The following SWT1 variants were observed in gnomAD, a reference collection of about 807,000 sequenced individuals.
SWT1 encodes the protein SWT1 RNA endoribonuclease homolog, also known as transcriptional protein SWT1.
In SWT1, 33 loss-of-function variants were observed where a neutral mutation model predicts 107.3. The ratio of observed to expected loss-of-function variants is 0.31; its 90% CI spans 0.23 to 0.41. The LOEUF (loss-of-function observed/expected upper bound fraction) is 0.41. Ranked by LOEUF, SWT1 falls within the 10% of genes least tolerant of loss-of-function variation. SWT1 has a pLI of 1.00. For missense variants in SWT1, 898 were observed against 1,028.9 expected (o/e 0.87, Z 1.74); for synonymous variants, 345 against 348.3 (o/e 0.99, Z 0.11).
intron 9 of SWT1, among the ~76,000 whole-genome samples, chr1:185,190,017 T>G (rs970973338): frequency 6.6e-6 from 1 of 151,948 alleles, no homozygotes; most frequent in African/African-American, 2.4e-5. Context: ...CTGGCTAATT[T>G]TTGTATTTTT....
chr1:185,284,029 T>G (rs1664803987), intron 18 of SWT1, among the ~76,000 whole-genome samples: 1 of 152,242 alleles, frequency 6.6e-6, no homozygotes, highest in Non-Finnish European at 1.5e-5. Flanking sequence ...AGATTCTAAT[T>G]CTCAGAAGCT....
intron 6 of SWT1, 31 bp from the exon 7 acceptor site, chr1:185,181,915 A>C (rs1201849139): frequency 6.2e-7 from 1 of 1,612,284 alleles, no homozygotes; most frequent in Non-Finnish European, 8.5e-7. Flanking sequence ...AAGTAACTCA[A>C]AATATTTCAC....
At position 185,206,742 on chromosome 1, in the gene SWT1, C is replaced by A. The variant is rs1658364985; in HGVS notation, c.1951C>A (p.Leu651Ile). 1.3e-6 allele frequency: 2 copies of A among 1,599,010 alleles called. No homozygotes were observed. The highest frequency in any genetic ancestry group is 1.7e-6 in the Non-Finnish European group (2 of 1,174,060). The change falls in exon 13 of 19, where the codon CTA (leucine) becomes ATA (isoleucine). Residue 651 changes from leucine to isoleucine, a missense_variant. Leu to Ile is a conservative substitution (Grantham distance 5). Transcript: ENST00000367500. ...GAACTTGCTTTTAACTATTGAGAGC[C>A]TATACAAAAATCTCCGTAAAGGTAT... The part of the protein sequence containing the change: ...EKNLLLTIES[L>I]YKNLRKANKA...
Position 185,198,236 on chromosome 1 carries a change from CGTT to C in SWT1, c.1524-4415_1524-4413del, listed in dbSNP as rs557242179. ...GGAGCAGGTTGTTCAGTTTCCATGA[CGTT>C]GTGTGGTTTTGAGTGAGTTTCTTAA... On this transcript the variant is annotated intron_variant, in intron 10 of 18. Coordinates refer to ENST00000367500, the MANE Select transcript of SWT1 (RefSeq NM_017673.7). 1.8e-4 allele frequency among the ~76,000 whole-genome samples: 28 copies of C among 152,150 alleles called. No homozygotes were observed. In the East Asian group the frequency reaches 4.8e-3, roughly 26 times the overall value.
rs1046260326 is a variant in SWT1 at position 185,165,142 on chromosome 1, G to T, written c.85-1430G>T. The stretch of plus-strand genomic sequence containing the variant: ...AGAGACTGGCGAATGGGTGATTGGT[G>T]AAACAGAACACATGCAACATTTATC... On this transcript the variant is annotated intron_variant, in intron 2 of 18. Coordinates refer to ENST00000367500, the MANE Select transcript of SWT1 (RefSeq NM_017673.7). 2.0e-5 allele frequency among the ~76,000 whole-genome samples: 3 copies of T among 152,178 alleles called. No individual in the cohort carries two copies. The East Asian group carries it at 5.8e-4, about 29-fold the overall frequency.
At chr1:185,167,082 A>G (rs1654642550) in intron 3 of SWT1, among the ~76,000 whole-genome samples, 1 of 151,984 alleles carries the variant, frequency 6.6e-6, no homozygotes, top group Non-Finnish European at 1.5e-5. Context: ...TAATTTTTGT[A>G]TTTTTAGTAG....
At chr1:185,269,234 T>C (rs1168311370) in intron 16 of SWT1, among the ~76,000 whole-genome samples, 2 of 152,190 alleles carry the variant, frequency 1.3e-5, no homozygotes, top group South Asian at 2.1e-4. Flanking sequence ...GTTTAACTTA[T>C]CTAGATAGCT....
At chr1:185,281,362 A>G in intron 18 of SWT1, 1 of 236,458 alleles carries the variant, frequency 4.2e-6, no homozygotes, top group South Asian at 7.2e-5. Flanking sequence ...TGAGCATGTG[A>G]CTGTGAAACT....
Position 185,188,337 on chromosome 1 carries a change from G to A in SWT1, c.1430-2212G>A, listed in dbSNP as rs185589579. ...TTGAGTTTGATACTGTTACAGCAGT[G>A]CACTGTTACTTTTAAGCCTCCTTTT... On this transcript the variant is annotated intron_variant, in intron 9 of 18. Transcript: ENST00000367500. 2.5e-4 allele frequency among the ~76,000 whole-genome samples: 38 copies of A among 152,294 alleles called. No homozygotes were observed. In the East Asian group the frequency reaches 7.3e-3, roughly 29 times the overall value.
rs567038077 is a variant in SWT1 at position 185,190,313 on chromosome 1, T to C, written c.1430-236T>C. On this transcript the variant is annotated intron_variant, in intron 9 of 18. Transcript: ENST00000367500. ...GTACCTTTGTTATAGTTGATGAACC[T>C]CCATTTGACATCATTATCACTCTGA... Among the ~76,000 whole-genome samples the C allele has an allele frequency of 3.4e-4, 52 of 152,312 alleles. No individual in the cohort carries two copies. In the South Asian group the frequency reaches 0.011, roughly 31 times the overall value.
At chr1:185,268,985 T>C (rs866880524) in intron 16 of SWT1, among the ~76,000 whole-genome samples, 35 of 151,704 alleles carry the variant, frequency 2.3e-4, no homozygotes, top group African/African-American at 7.2e-4. Context: ...CCCGAGTAGC[T>C]GGGACTACAG....
chr1:185,275,296 G>A (rs1475390810), intron 17 of SWT1, among the ~76,000 whole-genome samples: 1 of 151,834 alleles, frequency 6.6e-6, no homozygotes, highest in Non-Finnish European at 1.5e-5. Flanking sequence ...ACAGCCCTTA[G>A]GAGAAGGCAG....
intron 16 of SWT1, chr1:185,266,585 T>G (rs1418923665): frequency 1.3e-5 from 2 of 152,134 alleles, no homozygotes; most frequent in African/African-American, 4.8e-5. Flanking sequence ...ACAGATTTCT[T>G]TGTTCCTTCT....
intron 16 of SWT1, among the ~76,000 whole-genome samples, chr1:185,250,610 G>C (rs1263858688): frequency 6.6e-6 from 1 of 151,986 alleles, no homozygotes; most frequent in African/African-American, 2.4e-5. Context: ...TTTCAGCTTA[G>C]ACTCCAAATG....
intron 16 of SWT1, among the ~76,000 whole-genome samples, chr1:185,237,901 A>G (rs1316948297): frequency 6.6e-6 from 1 of 152,076 alleles, no homozygotes; most frequent in Non-Finnish European, 1.5e-5. Flanking sequence ...GGCTAATACA[A>G]TTTGTTACTC....
At chr1:185,204,001 A>G (rs928568754) in intron 11 of SWT1, among the ~76,000 whole-genome samples, 1 of 152,198 alleles carries the variant, frequency 6.6e-6, no homozygotes, top group Non-Finnish European at 1.5e-5. Context: ...TAATTTTGCC[A>G]TAAGAAAATT....
chr1:185,229,804 T>C (rs560432319), intron 15 of SWT1, among the ~76,000 whole-genome samples: 22 of 152,288 alleles, frequency 1.4e-4, no homozygotes, highest in Admixed American at 3.3e-4. Flanking sequence ...TAAATGTAAA[T>C]ATTTTGAAAT....
At chr1:185,173,529 C>CA (rs1655277086) in intron 4 of SWT1, among the ~76,000 whole-genome samples, 1 of 89,864 alleles carries the variant, frequency 1.1e-5, no homozygotes. Flanking sequence ...CCTGTCTCTA[C>CA]CAAAAAAAAA....
chr1:185,194,430 GA>G (rs1297263202), intron 10 of SWT1, among the ~76,000 whole-genome samples: 3 of 149,552 alleles, frequency 2.0e-5, no homozygotes, highest in African/African-American at 4.9e-5. Flanking sequence ...ATACTTTTTT[GA>G]AAAAAACTTC....
Sources: allele counts gnomAD v4.1 joint callset (sites outside exome capture counted in the v4.1 genomes callset), GRCh38; gene constraint gnomAD v4.1.1; transcripts MANE v1.5; gene names NCBI Gene and HGNC (gene_info 2026-07-23, HGNC 2026-07-21).